ST7: variants seen among roughly 807,000 people sequenced by gnomAD.
The protein encoded by ST7 is suppression of tumorigenicity 7.
Under a neutral mutation model 78.7 loss-of-function variants are expected in ST7, and 28 were observed. That is an observed-to-expected ratio of 0.36 (90% CI 0.26 to 0.49). The LOEUF is 0.49. Among genes scored for constraint, ST7 ranks in the 20% least tolerant of loss-of-function variants. The probability of loss-of-function intolerance (pLI) is 0.99; values close to 1 mark genes in which losing one functional copy is unlikely to be tolerated. For synonymous variants in ST7, 247 were observed against 249.6 expected, an observed-to-expected ratio of 0.99 and a Z score of 0.10; for missense variants, 418 against 696.0, an observed-to-expected ratio of 0.60 and a Z score of 4.49.
chr7:117,212,014 G>A (rs963561735), intron 13 of ST7, among the ~76,000 whole-genome samples: 37 of 152,204 alleles, frequency 2.4e-4, no homozygotes, highest in African/African-American at 8.4e-4. Context: ...GAACCACTCT[G>A]GAGAAGTGTT....
chr7:117,012,285 T>TC (rs1563010961), intron 1 of ST7, among the ~76,000 whole-genome samples: 2 of 146,536 alleles, frequency 1.4e-5, no homozygotes. Context: ...TTTTTGAAAT[T>TC]TTTTTTTTTT....
At chr7:117,076,111 C>G (rs1439771932) in intron 1 of ST7, among the ~76,000 whole-genome samples, 1 of 152,196 alleles carries the variant, frequency 6.6e-6, no homozygotes, top group Non-Finnish European at 1.5e-5. Flanking sequence ...GACTGAACTC[C>G]CATCTCCTCA....
intron 1 of ST7, among the ~76,000 whole-genome samples, chr7:117,030,076 TGA>T (rs1796398095): frequency 6.6e-6 from 1 of 152,222 alleles, no homozygotes; most frequent in Non-Finnish European, 1.5e-5. Flanking sequence ...GGATTTTGAT[TGA>T]GAGTATATTT....
chr7:117,106,616 C>CTTTTT (rs758855564), intron 2 of ST7, among the ~76,000 whole-genome samples: 150 of 107,706 alleles, frequency 1.4e-3, no homozygotes, highest in Middle Eastern at 6.3e-3. Context: ...TTGTATCATT[C>CTTTTT]TTTTTTTTTT....
At chr7:117,011,814 G>C (rs1181215052) in intron 1 of ST7, among the ~76,000 whole-genome samples, 3 of 152,266 alleles carry the variant, frequency 2.0e-5, no homozygotes, top group African/African-American at 7.2e-5. Context: ...TGTTTGGGAA[G>C]GGGGCATCTA....
intron 1 of ST7, among the ~76,000 whole-genome samples, chr7:117,032,865 A>G (rs1449343269): frequency 6.6e-6 from 1 of 152,194 alleles, no homozygotes; most frequent in East Asian, 1.9e-4. Flanking sequence ...ATCTATGCTG[A>G]CTTTCTCACC....
intron 10 of ST7, among the ~76,000 whole-genome samples, chr7:117,180,781 C>T (rs1366011225): frequency 6.6e-6 from 1 of 152,126 alleles, no homozygotes; most frequent in Non-Finnish European, 1.5e-5. Flanking sequence ...TCCCAAGTAG[C>T]TGGGACTACA....
chr7:116,968,416 C>T lies in ST7; in HGVS notation c.151+14725C>T, dbSNP rs547374846. On this transcript the variant is annotated intron_variant, in intron 1 of 15. Coordinates refer to ENST00000323984, the MANE Select transcript of ST7 (RefSeq NM_001369598.1). ...TGAGACAGTGTCTTACTATGTTGAC[C>T]GTGCTGGACTCGAATTCCTGGGCTC... The T allele has an allele frequency of 6.9e-5, 31 of 451,294 alleles. 1 individual carries two copies. Among genetic ancestry groups the T allele is most frequent in the Non-Finnish European group, 1.1e-4 (25 of 223,270 alleles). The allele number at this position is 451,294 out of a possible 1,614,324, so 28.0% of individuals were successfully genotyped here. A position where few individuals can be genotyped will look rare whatever the true frequency, so the allele number is the denominator to read the frequency against.
chr7:117,174,088 A>G (rs1808191768), intron 10 of ST7, among the ~76,000 whole-genome samples: 1 of 152,198 alleles, frequency 6.6e-6, no homozygotes, highest in Non-Finnish European at 1.5e-5. Flanking sequence ...TTGATTGGAC[A>G]TATATCCATG....
intron 1 of ST7, among the ~76,000 whole-genome samples, chr7:116,979,935 TTTTTTC>T (rs1262677968): frequency 3.6e-5 from 5 of 138,892 alleles, no homozygotes; most frequent in African/African-American, 1.3e-4. Flanking sequence ...CTCATATTCC[TTTTTTC>T]TTTTTCTTTT....
intron 1 of ST7, among the ~76,000 whole-genome samples, chr7:117,071,080 G>A (rs1371179897): frequency 3.3e-5 from 5 of 151,916 alleles, no homozygotes; most frequent in East Asian, 2.0e-4. Flanking sequence ...TTAGCCGGGC[G>A]TGGTGGCGGG....
rs1017832956 is a variant in ST7 at position 117,094,231 on chromosome 7, G to A, written c.152-5531G>A. 3.9e-5 allele frequency among the ~76,000 whole-genome samples: 6 copies of A among 152,244 alleles called. 1 individual carries two copies. The highest frequency in any genetic ancestry group is 2.0e-4 in the Admixed American group (3 of 15,290). On this transcript the variant is annotated intron_variant, in intron 1 of 15. Coordinates refer to ENST00000323984, the MANE Select transcript of ST7 (RefSeq NM_001369598.1). ...AATTCCCCACCAGTGCCTTAACTGC[G>A]CTTCACTTTCCTTCCCTGGGCATTC...
At chr7:117,086,568 T>C (rs984441487) in intron 1 of ST7, among the ~76,000 whole-genome samples, 2 of 152,208 alleles carry the variant, frequency 1.3e-5, no homozygotes, top group East Asian at 3.8e-4. Context: ...GAGGGGAAAA[T>C]GCCATTTACA....
intron 12 of ST7, among the ~76,000 whole-genome samples, chr7:117,199,449 AG>A (rs1256870480): frequency 6.6e-6 from 1 of 152,130 alleles, no homozygotes; most frequent in East Asian, 1.9e-4. Context: ...ACACCTTGCT[AG>A]GTCTCCTGTC....
chr7:117,164,101 AAGCTATT>A (rs1300658246), intron 9 of ST7, among the ~76,000 whole-genome samples: 5 of 152,192 alleles, frequency 3.3e-5, no homozygotes, highest in African/African-American at 1.2e-4. Flanking sequence ...ATCATACTAT[AAGCTATT>A]GTAACCCAAA....
chr7:117,058,024 A>G (rs1230885993), intron 1 of ST7, among the ~76,000 whole-genome samples: 2 of 152,194 alleles, frequency 1.3e-5, no homozygotes, highest in Non-Finnish European at 2.9e-5. Flanking sequence ...GGATTTAGAT[A>G]TGCTATCATT....
At chr7:117,085,887 A>G (rs1346272865) in intron 1 of ST7, among the ~76,000 whole-genome samples, 4 of 152,132 alleles carry the variant, frequency 2.6e-5, no homozygotes, top group Non-Finnish European at 5.9e-5. Context: ...ATTCCAATAG[A>G]AAAAAAGGCA....
At chr7:117,075,968 A>T (rs1799309908) in intron 1 of ST7, among the ~76,000 whole-genome samples, 2 of 152,204 alleles carry the variant, frequency 1.3e-5, no homozygotes, top group Admixed American at 1.3e-4. Flanking sequence ...TCCCTGCACC[A>T]TATGCCAAGA....
intron 1 of ST7, among the ~76,000 whole-genome samples, chr7:117,011,789 G>A (rs1331550631): frequency 6.6e-6 from 1 of 152,124 alleles, no homozygotes; most frequent in Non-Finnish European, 1.5e-5. Flanking sequence ...GTTTTGGAGA[G>A]GACTATGATG....
Sources: allele counts gnomAD v4.1 joint callset (sites outside exome capture counted in the v4.1 genomes callset), GRCh38; gene constraint gnomAD v4.1.1; transcripts MANE v1.5; gene names NCBI Gene and HGNC (gene_info 2026-07-23, HGNC 2026-07-21).